DMD: variants seen among roughly 807,000 people sequenced by gnomAD.
The protein encoded by DMD is dystrophin, also known as mutant dystrophin.
A neutral mutation model predicts 330.1 loss-of-function variants in DMD; 63 were observed. That is an observed-to-expected ratio of 0.19 (90% CI 0.16 to 0.24). The LOEUF (loss-of-function observed/expected upper bound fraction) is 0.24. Among genes scored for constraint, DMD ranks in the 10% least tolerant of loss-of-function variants. DMD has a pLI of 1.00. For synonymous variants in DMD, 1,223 were observed against 959.8 expected, an observed-to-expected ratio of 1.27 and a Z score of -5.07; for missense variants, 3,344 against 2,684.1, an observed-to-expected ratio of 1.25 and a Z score of -5.43.
intron 52 of DMD, among the ~76,000 whole-genome samples, chrX:31,720,750 C>T (rs1220248566): frequency 9.0e-6 from 1 of 111,146 alleles, no homozygotes; most frequent in Non-Finnish European, 1.9e-5. Flanking sequence ...ATAATGAAGA[C>T]AAAAACAATT....
chrX:32,128,820 C>T (rs1029066928), intron 44 of DMD, among the ~76,000 whole-genome samples: 5 of 112,106 alleles, frequency 4.5e-5, no homozygotes, highest in Admixed American at 9.5e-5. Flanking sequence ...TAACCTGTGT[C>T]GTTCCTCTTT....
chrX:32,561,659 C>T (rs2051024082), intron 16 of DMD, among the ~76,000 whole-genome samples: 1 of 111,243 alleles, frequency 9.0e-6, no homozygotes. Context: ...ATACAAGATA[C>T]TCACTGAGCA....
At chrX:32,391,287 T>A (rs1260942607) in intron 30 of DMD, among the ~76,000 whole-genome samples, 2 of 111,284 alleles carry the variant, frequency 1.8e-5, no homozygotes, top group Admixed American at 9.6e-5. Flanking sequence ...ATAACGTATA[T>A]TAGTGTAAGT....
chrX:33,150,068 T>C (rs1323233259), intron 1 of DMD, among the ~76,000 whole-genome samples: 2 of 111,255 alleles, frequency 1.8e-5, no homozygotes, highest in African/African-American at 6.5e-5. Context: ...GCGTTCTTTC[T>C]AAAAAATACA....
chrX:32,717,706 T>A (rs1432367581), intron 7 of DMD, among the ~76,000 whole-genome samples: 1 of 110,715 alleles, frequency 9.0e-6, no homozygotes, highest in Non-Finnish European at 1.9e-5. Flanking sequence ...ACCATACACC[T>A]GGAAAAGCCC....
At chrX:32,744,690 A>G (rs1201173699) in intron 7 of DMD, among the ~76,000 whole-genome samples, 2 of 111,571 alleles carry the variant, frequency 1.8e-5, no homozygotes, top group Non-Finnish European at 3.8e-5. Context: ...ATCCTGTCAT[A>G]TCTAGTCATT....
chrX:31,347,305 G>T (rs1008980934), intron 61 of DMD, among the ~76,000 whole-genome samples: 1 of 110,491 alleles, frequency 9.1e-6, no homozygotes, highest in African/African-American at 3.3e-5. Flanking sequence ...GTTAACTACA[G>T]TCACTCTATT....
chrX:32,627,482 A>G (rs1034466114), intron 11 of DMD, among the ~76,000 whole-genome samples: 3 of 96,580 alleles, frequency 3.1e-5, no homozygotes, highest in African/African-American at 1.8e-4. Flanking sequence ...TGTGTGTCAG[A>G]AAAAAAGAGG....
At chrX:31,272,947 T>C (rs1487763007) in intron 62 of DMD, among the ~76,000 whole-genome samples, 1 of 112,439 alleles carries the variant, frequency 8.9e-6, no homozygotes, top group Non-Finnish European at 1.9e-5. Flanking sequence ...AAAAGATTAA[T>C]GGACAGTCTA....
At chrX:31,956,659 T>A (rs1296158990) in intron 45 of DMD, among the ~76,000 whole-genome samples, 1 of 112,173 alleles carries the variant, frequency 8.9e-6, no homozygotes, top group African/African-American at 3.2e-5. Context: ...AAGAAATCAT[T>A]GTTGTTATTG....
chrX:32,007,691 T>TG (rs1177873936), intron 44 of DMD, among the ~76,000 whole-genome samples: 3 of 110,350 alleles, frequency 2.7e-5, no homozygotes, highest in African/African-American at 3.3e-5. Flanking sequence ...AGCACAGGTT[T>TG]GGGGGGACGT....
At chrX:31,210,532 T>C (rs757860942) in intron 64 of DMD, among the ~76,000 whole-genome samples, 4 of 112,267 alleles carry the variant, frequency 3.6e-5, no homozygotes, top group Non-Finnish European at 5.6e-5. Flanking sequence ...CATGAAAAGA[T>C]GCATTTCTCT....
chrX:33,308,051 T>C (rs188283412), intron 1 of DMD, among the ~76,000 whole-genome samples: 5 of 112,261 alleles, frequency 4.5e-5, no homozygotes, highest in Admixed American at 1.9e-4. Flanking sequence ...AATGTTGAAA[T>C]AGTCATGACT....
chrX:31,193,896 G>A (rs941744084), intron 67 of DMD, among the ~76,000 whole-genome samples: 10 of 111,441 alleles, frequency 9.0e-5, no homozygotes, highest in Non-Finnish European at 1.9e-4. Context: ...AAATGTCAAC[G>A]TCAGCCCGGC....
chrX:31,200,355 T>C (rs1400977286), intron 67 of DMD, among the ~76,000 whole-genome samples: 1 of 111,536 alleles, frequency 9.0e-6, no homozygotes, highest in African/African-American at 3.3e-5. Flanking sequence ...GTGGGCATAC[T>C]GGACTAGGAA....
At position 32,028,145 on chromosome X, in the gene DMD, G is replaced by C. The variant is rs759858612; in HGVS notation, c.6439-59631C>G. Among the ~76,000 whole-genome samples, 4 of 111,656 alleles carry C rather than the reference G, an allele frequency of 3.6e-5. No homozygotes were observed. In the South Asian group the frequency reaches 1.1e-3, roughly 31 times the overall value. Reference sequence around the variant, plus strand: ...TGAAAACAAGTGGATAAATTCAAGAGAGTTTATTGTAGATTTGGTAGGACC... The same window carrying C: ...TGAAAACAAGTGGATAAATTCAAGACAGTTTATTGTAGATTTGGTAGGACC... On this transcript the variant is annotated intron_variant, in intron 44 of 78. Transcript: ENST00000357033.
At chrX:33,124,499 A>C (rs1336319769) in intron 1 of DMD, among the ~76,000 whole-genome samples, 2 of 105,475 alleles carry the variant, frequency 1.9e-5, no homozygotes, top group African/African-American at 7.1e-5. Context: ...AAAAAAAAAA[A>C]AAAAAAAAAA....
chrX:31,835,071 G>C (rs1275651313), intron 49 of DMD, among the ~76,000 whole-genome samples: 2 of 112,067 alleles, frequency 1.8e-5, no homozygotes, highest in South Asian at 7.5e-4. Flanking sequence ...CCCAGTAGTT[G>C]AGTGTGTGGG....
At chrX:32,137,083 T>G (rs901114042) in intron 44 of DMD, among the ~76,000 whole-genome samples, 1 of 112,439 alleles carries the variant, frequency 8.9e-6, no homozygotes, top group Non-Finnish European at 1.9e-5. Flanking sequence ...ACATAAAACT[T>G]TTTTTAAAAA....
Sources: allele counts gnomAD v4.1 joint callset (sites outside exome capture counted in the v4.1 genomes callset), GRCh38; gene constraint gnomAD v4.1.1; transcripts MANE v1.5; gene names NCBI Gene and HGNC (gene_info 2026-07-23, HGNC 2026-07-21).